Variants in KLHL6 observed in about 807,000 individuals in gnomAD.
The protein encoded by KLHL6 is kelch like family member 6.
A neutral mutation model predicts 58.6 loss-of-function variants in KLHL6; 41 were observed. The ratio of observed to expected loss-of-function variants is 0.70; its 90% CI spans 0.55 to 0.91. KLHL6 has a LOEUF of 0.91. Ranked by LOEUF, KLHL6 falls within the 40% of genes least tolerant of loss-of-function variation. The pLI, the probability that KLHL6 is intolerant of heterozygous loss-of-function variation, is 0.00. For missense variants in KLHL6, 714 were observed against 805.6 expected (o/e 0.89, Z 1.38); for synonymous variants, 338 against 322.7 (o/e 1.05, Z -0.51).
chr3:183,500,947 T>A (rs534999373), intron 3 of KLHL6, among the ~76,000 whole-genome samples: 12 of 152,294 alleles, frequency 7.9e-5, no homozygotes, highest in Admixed American at 3.3e-4. Context: ...CCACAAATAG[T>A]CAGACCAGCC....
intron 1 of KLHL6, among the ~76,000 whole-genome samples, chr3:183,535,477 G>A (rs1712334965): frequency 6.6e-6 from 1 of 152,158 alleles, no homozygotes; most frequent in Admixed American, 6.5e-5. Flanking sequence ...AGCAGGACAG[G>A]GTGGGCACTA....
At chr3:183,502,866 T>C (rs1292661304) in intron 3 of KLHL6, among the ~76,000 whole-genome samples, 2 of 152,228 alleles carry the variant, frequency 1.3e-5, no homozygotes, top group Non-Finnish European at 2.9e-5. Context: ...GGGTAATTTG[T>C]TATGCAGCAA....
At chr3:183,528,249 C>T (rs1339599418) in intron 1 of KLHL6, among the ~76,000 whole-genome samples, 1 of 152,130 alleles carries the variant, frequency 6.6e-6, no homozygotes, top group Non-Finnish European at 1.5e-5. Context: ...AAAGTCAGTC[C>T]CAGATCTATT....
chr3:183,522,973 T>G (rs1233478535), intron 2 of KLHL6: 2 of 152,132 alleles, frequency 1.3e-5, no homozygotes, highest in Admixed American at 1.3e-4. Context: ...CCCAGCTAAT[T>G]TTTCTATTTT....
chr3:183,527,372 C>T (rs1165264913), intron 2 of KLHL6, among the ~76,000 whole-genome samples: 1 of 152,138 alleles, frequency 6.6e-6, no homozygotes, highest in Admixed American at 6.5e-5. Context: ...AGATTATAGT[C>T]TTTACTATTT....
At chr3:183,548,909 A>G (rs1414675093) in intron 1 of KLHL6, 1 of 151,710 alleles carries the variant, frequency 6.6e-6, no homozygotes, top group Non-Finnish European at 1.5e-5. Context: ...AAAACCAAAC[A>G]CCGCATGTTC....
intron 1 of KLHL6, among the ~76,000 whole-genome samples, chr3:183,544,020 G>A (rs1217884123): frequency 4.6e-5 from 7 of 152,034 alleles, no homozygotes; most frequent in Non-Finnish European, 5.9e-5. Context: ...AAAATTAGCC[G>A]GGCATAGTGG....
At chr3:183,537,813 C>T (rs1712414927) in intron 1 of KLHL6, among the ~76,000 whole-genome samples, 1 of 152,128 alleles carries the variant, frequency 6.6e-6, no homozygotes. Flanking sequence ...CTCACCTCTT[C>T]GCTTCCTTTA....
chr3:183,500,998 T>A (rs1717851948), intron 3 of KLHL6, among the ~76,000 whole-genome samples: 1 of 152,110 alleles, frequency 6.6e-6, no homozygotes. Flanking sequence ...CTTTGTTTGT[T>A]CGGTTGGTTT....
chr3:183,532,331 G>A lies in KLHL6; in HGVS notation c.294-4321C>T, dbSNP rs115271016. 7.5e-3 allele frequency among the ~76,000 whole-genome samples: 1,143 copies of A among 152,326 alleles called. 9 individuals carry two copies. The highest frequency in any genetic ancestry group is 0.026 in the African/African-American group (1,099 of 41,572). The stretch of plus-strand genomic sequence containing the variant: ...CCTCACCAGAAACCAGATCATGCTA[G>A]CAACTTGATGCTAGACTTCCAGACT... On this transcript the variant is annotated intron_variant, in intron 1 of 6. Transcript: ENST00000341319.
chr3:183,536,754 A>G (rs963326130), intron 1 of KLHL6, among the ~76,000 whole-genome samples: 7 of 152,196 alleles, frequency 4.6e-5, no homozygotes, highest in African/African-American at 1.4e-4. Context: ...ACTTAGGGGT[A>G]AGTGGACCAA....
chr3:183,535,344 C>T (rs939355025), intron 1 of KLHL6, among the ~76,000 whole-genome samples: 1 of 152,210 alleles, frequency 6.6e-6, no homozygotes, highest in African/African-American at 2.4e-5. Context: ...GACAGTGCAG[C>T]TCTTGCCATC....
intron 2 of KLHL6, among the ~76,000 whole-genome samples, chr3:183,512,247 C>T (rs368325356): frequency 2.0e-5 from 3 of 151,978 alleles, no homozygotes; most frequent in South Asian, 2.1e-4. Flanking sequence ...CCAGCGTTTG[C>T]GTGAGGGGAA....
chr3:183,494,331 C>T, intron 4 of KLHL6, 50 bp from the exon 5 acceptor site: 1 of 1,457,098 alleles, frequency 6.9e-7, no homozygotes, highest in Non-Finnish European at 9.6e-7. Context: ...GTCAGAAATA[C>T]AGCTTCTCCC....
intron 1 of KLHL6, among the ~76,000 whole-genome samples, chr3:183,530,205 C>T (rs1289201820): frequency 1.3e-5 from 2 of 152,108 alleles, no homozygotes; most frequent in Non-Finnish European, 2.9e-5. Context: ...AATGTGAAAA[C>T]AGCTTTGGAA....
intron 2 of KLHL6, among the ~76,000 whole-genome samples, chr3:183,516,133 C>T (rs1577187499): frequency 6.6e-6 from 1 of 152,120 alleles, no homozygotes; most frequent in South Asian, 2.1e-4. Context: ...TCTGAAGAGG[C>T]TTTATGAGGA....
chr3:183,543,754 C>T (rs1027861160), intron 1 of KLHL6, among the ~76,000 whole-genome samples: 1 of 152,186 alleles, frequency 6.6e-6, no homozygotes, highest in African/African-American at 2.4e-5. Context: ...GGACCCTGGA[C>T]CTGAATCATT....
At position 183,489,435 on chromosome 3, in the gene KLHL6, T is replaced by G. The variant is rs1242661782; in HGVS notation, c.*2492A>C. 2 of 152,162 alleles carry G rather than the reference T, an allele frequency of 1.3e-5. No homozygotes were observed. The highest frequency in any genetic ancestry group is 2.9e-5 in the Non-Finnish European group (2 of 68,032). 9.4% of individuals were successfully genotyped at this position (152,162 alleles called of 1,614,324 possible). ...GCCTCCTCACTTCATACGCATCTCA[T>G]TTTTAGCTAACTTGAAGAAAATAAA... On this transcript the variant is annotated 3_prime_UTR_variant, in exon 7 of 7. Transcript: ENST00000341319.
chr3:183,504,155 C>T (rs1717941869), intron 3 of KLHL6, among the ~76,000 whole-genome samples: 1 of 152,180 alleles, frequency 6.6e-6, no homozygotes, highest in Non-Finnish European at 1.5e-5. Context: ...AGAGATGGAG[C>T]AACAATAAAC....
Sources: gnomAD v4.1 joint callset for allele counts (sites outside exome capture counted in the v4.1 genomes callset) on GRCh38, gnomAD v4.1.1 for gene constraint, MANE v1.5 for transcripts, NCBI Gene and HGNC (gene_info 2026-07-23, HGNC 2026-07-21) for gene names.